Variants in ABCD2 observed in about 807,000 individuals in gnomAD.
ABCD2 encodes the protein ATP-binding cassette sub-family D member 2.
In ABCD2, 36 loss-of-function variants were observed where a neutral mutation model predicts 70.9. That is an observed-to-expected ratio of 0.51 (90% CI 0.39 to 0.67). ABCD2 has a LOEUF of 0.67. Among genes scored for constraint, ABCD2 ranks in the 30% least tolerant of loss-of-function variants. The pLI, the probability that ABCD2 is intolerant of heterozygous loss-of-function variation, is 0.00. For missense variants in ABCD2, 729 were observed against 890.2 expected (o/e 0.82, Z 2.30); for synonymous variants, 304 against 306.9 (o/e 0.99, Z 0.10).
At chr12:39,611,679 C>A (rs941467300) in intron 2 of ABCD2, among the ~76,000 whole-genome samples, 2 of 151,960 alleles carry the variant, frequency 1.3e-5, no homozygotes, top group African/African-American at 4.8e-5. Context: ...AAACCACTAA[C>A]CATAAAGAAA....
chr12:39,562,296 C>G (rs1317274145), intron 9 of ABCD2, among the ~76,000 whole-genome samples: 1 of 151,706 alleles, frequency 6.6e-6, no homozygotes, highest in Non-Finnish European at 1.5e-5. Flanking sequence ...AAAACAAGAA[C>G]AAATCCAAAC....
chr12:39,591,344 G>C (rs1941743666), intron 6 of ABCD2, among the ~76,000 whole-genome samples: 1 of 152,178 alleles, frequency 6.6e-6, no homozygotes, highest in Non-Finnish European at 1.5e-5. Context: ...TTTTGGATAA[G>C]ATATTTCTAG....
intron 2 of ABCD2, 53 bp from the exon 3 acceptor site, chr12:39,607,767 G>A (rs1440528750): frequency 3.0e-6 from 2 of 674,392 alleles, no homozygotes. Context: ...TTTTTTTTTA[G>A]TAACTTAATG....
chr12:39,579,755 G>T, intron 7 of ABCD2, 136 bp from the exon 8 acceptor site: 1 of 611,800 alleles, frequency 1.6e-6, no homozygotes, highest in Non-Finnish European at 2.7e-6. Context: ...TATATGCTTG[G>T]ATAAACTACA....
In ABCD2 at chr12:39,554,118, G is replaced by C. The variant is rs773117878; in HGVS notation, c.2017C>G (p.His673Asp). ...CCTTCACCATCAAACTGTAATAAAT[G>C]TGTGTGGTATTTCCTGCATAATTAA... ...HRPSLWKYHT[H>D]LLQFDGEGGW... Residue 673 changes from histidine (H) to aspartate (D), a missense_variant, in exon 10 of 10, where the codon CAT (histidine) becomes GAT (aspartate). By Grantham distance (81) the His-to-Asp change is moderately conservative. Coordinates refer to ENST00000308666, the MANE Select transcript of ABCD2 (RefSeq NM_005164.4). 4 of 1,611,806 alleles carry C rather than the reference G, an allele frequency of 2.5e-6. No homozygotes were observed. The Admixed American group carries it at 6.7e-5, about 27-fold the overall frequency.
intron 2 of ABCD2, among the ~76,000 whole-genome samples, chr12:39,610,615 C>T (rs1269419365): frequency 6.6e-6 from 1 of 152,076 alleles, no homozygotes; most frequent in Non-Finnish European, 1.5e-5. Flanking sequence ...AAAAGGGATT[C>T]AAATAGTAGT....
At chr12:39,581,389 G>C (rs1320194876) in intron 7 of ABCD2, among the ~76,000 whole-genome samples, 1 of 152,122 alleles carries the variant, frequency 6.6e-6, no homozygotes, top group Admixed American at 6.5e-5. Context: ...CTCTCCAGAG[G>C]AAATCACTGT....
At chr12:39,574,474 C>G (rs1440202210) in intron 8 of ABCD2, among the ~76,000 whole-genome samples, 1 of 152,052 alleles carries the variant, frequency 6.6e-6, no homozygotes, top group Non-Finnish European at 1.5e-5. Flanking sequence ...TTATTTTTTA[C>G]TTTGATAATG....
intron 6 of ABCD2, among the ~76,000 whole-genome samples, chr12:39,587,467 T>C (rs1354945341): frequency 6.6e-6 from 1 of 152,102 alleles, no homozygotes; most frequent in African/African-American, 2.4e-5. Flanking sequence ...TGAACAAAAA[T>C]AATTGTCTCC....
intron 9 of ABCD2, among the ~76,000 whole-genome samples, chr12:39,564,627 A>C (rs1057175044): frequency 6.6e-6 from 1 of 152,154 alleles, no homozygotes; most frequent in Non-Finnish European, 1.5e-5. Context: ...GAAACTCTTT[A>C]GTTTAATTAG....
Position 39,619,588 on chromosome 12 carries a change from C to G in ABCD2, c.28G>C (p.Asp10His). The G allele has an allele frequency of 6.2e-7, 1 of 1,610,286 alleles. No individual in the cohort carries two copies. The highest frequency in any genetic ancestry group is 8.5e-7 in the Non-Finnish European group (1 of 1,179,916). Residue 10 changes from aspartate to histidine, a missense_variant, in exon 1 of 10, where the codon GAT becomes CAT. By Grantham distance (81) the Asp-to-His change is moderately conservative. Around this residue, in one of 3 missense-constraint regions of ABCD2, gnomAD observed 245 missense variants for 261.2 expected, o/e 0.94. Coordinates refer to ENST00000308666, the MANE Select transcript of ABCD2 (RefSeq NM_005164.4). ...CTCGATCTGGTCCATTTCACTCGAT[C>G]AGCTGCTGCATTTAGCATATGTGTC... MTHMLNAAA[D>H]RVKWTRSSAA...
downstream of ABCD2, among the ~76,000 whole-genome samples, chr12:39,548,067 G>A (rs371340266): frequency 3.3e-5 from 5 of 152,012 alleles, no homozygotes; most frequent in South Asian, 1.0e-3. Context: ...TTTGAACTTT[G>A]ATCTTTTCCT....
intron 2 of ABCD2, among the ~76,000 whole-genome samples, chr12:39,611,168 T>C (rs773876071): frequency 6.6e-6 from 1 of 152,176 alleles, no homozygotes; most frequent in Non-Finnish European, 1.5e-5. Context: ...GGTTATGCCT[T>C]ATATATTTAC....
At chr12:39,545,231 A>C (rs1260891123), downstream of ABCD2, among the ~76,000 whole-genome samples, 1 of 152,236 alleles carries the variant, frequency 6.6e-6, no homozygotes, top group Non-Finnish European at 1.5e-5. Context: ...AGACTAACAA[A>C]GCCTAAAAAT....
Position 39,553,878 on chromosome 12 carries a change from C to T in ABCD2, c.*34G>A. 1 of 1,482,018 alleles carries T rather than the reference C, an allele frequency of 6.7e-7. No individual in the cohort carries two copies. 91.8% of individuals were successfully genotyped at this position (1,482,018 alleles called of 1,614,324 possible). A position where few individuals can be genotyped will look rare whatever the true frequency, so the allele number is the denominator to read the frequency against. ...TAACAGAATGTCTTTGAGCCTTTAT[C>T]TAATAATTAACTTTTAAAATATGTC... On this transcript the variant is annotated 3_prime_UTR_variant, in exon 10 of 10. Coordinates refer to ENST00000308666, the MANE Select transcript of ABCD2 (RefSeq NM_005164.4).
At chr12:39,565,841 G>C (rs559356270) in intron 9 of ABCD2, among the ~76,000 whole-genome samples, 1 of 152,132 alleles carries the variant, frequency 6.6e-6, no homozygotes. Context: ...AGCATGAAGG[G>C]TTGTTGAATT....
Position 39,558,007 on chromosome 12 carries a change from G to A in ABCD2, c.2004-3876C>T, listed in dbSNP as rs915678326. ...CCACCATCCCCCAGACCACAGAATG[G>A]TAGATCCACTAACAGCTTGCACCAT... On this transcript the variant is annotated intron_variant, in intron 9 of 9. Transcript: ENST00000308666. Among the ~76,000 whole-genome samples the A allele has an allele frequency of 6.6e-5, 10 of 152,286 alleles. No homozygotes were observed. In the Middle Eastern group the frequency reaches 0.01, roughly 155 times the overall value.
intron 2 of ABCD2, 22 bp downstream of exon 2, chr12:39,616,966 G>T (rs909941454): frequency 6.4e-7 from 1 of 1,556,760 alleles, no homozygotes. Context: ...ATATATTTGA[G>T]ATTAAGCATA....
At position 39,550,962 on chromosome 12, in the gene ABCD2, A is replaced by G. The variant is rs2120502794; in HGVS notation, c.*2950T>C. 6.6e-6 allele frequency: 1 copy of G among 151,870 alleles called. No homozygotes were observed. The highest frequency in any genetic ancestry group is 2.4e-5 in the African/African-American group (1 of 41,558). 9.4% of individuals were successfully genotyped at this position (151,870 alleles called of 1,614,324 possible). ...TATACTTGGAACCAATGTTTCAAAT[A>G]AAAACTAGGATATTCATTTATGCCT... On this transcript the variant is annotated 3_prime_UTR_variant, in exon 10 of 10. Transcript: ENST00000308666.
Sources: allele counts gnomAD v4.1 joint callset (sites outside exome capture counted in the v4.1 genomes callset), GRCh38; gene constraint gnomAD v4.1.1; regional missense constraint gnomAD v4.1.1; transcripts MANE v1.5; gene names NCBI Gene and HGNC (gene_info 2026-07-23, HGNC 2026-07-21).